CNNM1: variants seen among roughly 807,000 people sequenced by gnomAD.
CNNM1 encodes the protein cyclin and CBS domain divalent metal cation transport mediator 1.
Under a neutral mutation model 78.8 loss-of-function variants are expected in CNNM1, and 44 were observed. That is an observed-to-expected ratio of 0.56 (90% CI 0.44 to 0.72). The LOEUF (loss-of-function observed/expected upper bound fraction) is 0.72. CNNM1 is among the 30% of genes least tolerant of loss of function. CNNM1 has a pLI of 0.00. For missense variants in CNNM1, 1,101 were observed against 1,292.2 expected (o/e 0.85, Z 2.27); for synonymous variants, 584 against 581.5 (o/e 1.00, Z -0.06).
At position 99,387,808 on chromosome 10, in the gene CNNM1, TCTTC is replaced by T; in HGVS notation, c.2341-6_2341-3del. On this transcript the variant is annotated splice_region_variant and splice_polypyrimidine_tract_variant and intron_variant, in intron 7 of 10. Coordinates refer to ENST00000356713, the MANE Select transcript of CNNM1 (RefSeq NM_020348.3). ...CCTAGCTGCTCCTAAGCTCCTGCCC[TCTTC>T]CTTCCAGATCACACGGCAGCAATAT... 3 of 1,579,326 alleles carry T rather than the reference TCTTC, an allele frequency of 1.9e-6. No homozygotes were observed. The highest frequency in any genetic ancestry group is 2.6e-6 in the Non-Finnish European group (3 of 1,162,392).
rs374814462 is a variant in CNNM1 at position 99,388,176 on chromosome 10, G to T, written c.2549G>T (p.Ser850Ile). 6.2e-7 allele frequency: 1 copy of T among 1,613,668 alleles called. No individual in the cohort carries two copies. The highest frequency in any genetic ancestry group is 8.5e-7 in the Non-Finnish European group (1 of 1,179,858). Residue 850 changes from serine (S) to isoleucine (I), a missense_variant, in exon 9 of 11, where the codon AGC (serine) becomes ATC (isoleucine). Ser to Ile is a moderately radical substitution (Grantham distance 142). This residue lies in a region of CNNM1 where 348 missense variants were observed against 384.5 expected (regional missense o/e 0.90). Coordinates refer to ENST00000356713, the MANE Select transcript of CNNM1 (RefSeq NM_020348.3). ...LPCSRSDGLR[S>I]PSEVVYLRME... Reference sequence around the variant, plus strand: ...GGCAGCCGCTCAGACGGGCTGAGAAGCCCCAGCGAGGTAGTGTACCTGAGG... The same window carrying T: ...GGCAGCCGCTCAGACGGGCTGAGAATCCCCAGCGAGGTAGTGTACCTGAGG...
rs749770265 is a variant in CNNM1 at position 99,377,065 on chromosome 10, C to T, written c.2187C>T (p.Ser729=). 1 of 1,563,362 alleles carries T rather than the reference C, an allele frequency of 6.4e-7. No individual in the cohort carries two copies. The highest frequency in any genetic ancestry group is 2.4e-5 in the East Asian group (1 of 41,840). ...LAGSSVFLNR[S]PSRCSGLNRS... is the part of the protein sequence containing the mutation. ...TCTCACCATCTGCAGTAAACCGGTCCCCTTCTCGCTGCAGTGGGTTGAATC... is the reference window on the plus strand; with the variant it reads ...TCTCACCATCTGCAGTAAACCGGTCTCCTTCTCGCTGCAGTGGGTTGAATC... The change falls in exon 7 of 11, where the codon TCC becomes TCT. Residue 729 remains serine (S), a synonymous_variant. Coordinates refer to ENST00000356713, the MANE Select transcript of CNNM1 (RefSeq NM_020348.3).
At chr10:99,375,333 G>A (rs2031928497) in intron 6 of CNNM1, among the ~76,000 whole-genome samples, 1 of 152,160 alleles carries the variant, frequency 6.6e-6, no homozygotes, top group African/African-American at 2.4e-5. Flanking sequence ...TGAGGCTGAG[G>A]TAGCTGGGAT....
chr10:99,345,145 A>G (rs1328340577), intron 1 of CNNM1, among the ~76,000 whole-genome samples: 1 of 152,150 alleles, frequency 6.6e-6, no homozygotes, highest in Non-Finnish European at 1.5e-5. Context: ...CAGTTTCCTT[A>G]TCTACATATT....
chr10:99,343,493 G>T (rs2030545977), intron 1 of CNNM1, among the ~76,000 whole-genome samples: 1 of 152,068 alleles, frequency 6.6e-6, no homozygotes, highest in East Asian at 1.9e-4. Flanking sequence ...TTTTGTATAT[G>T]CAGCACCAGA....
chr10:99,332,303 A>G (rs1324518061), intron 1 of CNNM1, among the ~76,000 whole-genome samples: 1 of 152,234 alleles, frequency 6.6e-6, no homozygotes, highest in Non-Finnish European at 1.5e-5. Context: ...TGGAATGTTT[A>G]TTAAAAACAA....
chr10:99,335,528 A>G lies in CNNM1; in HGVS notation c.1573+4568A>G, dbSNP rs2030135436. 2.6e-5 allele frequency among the ~76,000 whole-genome samples: 4 copies of G among 152,186 alleles called. No individual in the cohort carries two copies. In the South Asian group the frequency reaches 8.3e-4, roughly 32 times the overall value. On this transcript the variant is annotated intron_variant, in intron 1 of 10. Coordinates refer to ENST00000356713, the MANE Select transcript of CNNM1 (RefSeq NM_020348.3). Reference sequence around the variant, plus strand: ...ACTTCTATATTTCTATGTTTGAGTGAGGTGAACCCTAAGTACGGAATAATT... The same window carrying G: ...ACTTCTATATTTCTATGTTTGAGTGGGGTGAACCCTAAGTACGGAATAATT...
intron 1 of CNNM1, among the ~76,000 whole-genome samples, chr10:99,354,443 T>TA (rs1218977724): frequency 1.3e-5 from 2 of 152,252 alleles, no homozygotes; most frequent in Non-Finnish European, 2.9e-5. Flanking sequence ...TATGAGTTTT[T>TA]ATTCAGTCTT....
chr10:99,389,681 G>A (rs1029676911), intron 9 of CNNM1, among the ~76,000 whole-genome samples: 21 of 152,164 alleles, frequency 1.4e-4, no homozygotes, highest in Non-Finnish European at 2.4e-4. Context: ...GACCCTGGAG[G>A]CCTAGAGAAG....
intron 2 of CNNM1, among the ~76,000 whole-genome samples, chr10:99,359,737 G>A (rs1315842105): frequency 9.9e-5 from 15 of 152,050 alleles, no homozygotes; most frequent in Admixed American, 7.9e-4. Flanking sequence ...CATTCTCACT[G>A]CATCCACTCA....
intron 6 of CNNM1, 70 bp from the exon 7 acceptor site, chr10:99,376,985 C>G: frequency 1.6e-6 from 2 of 1,264,460 alleles, no homozygotes; most frequent in African/African-American, 1.5e-5. Context: ...CCTTCCCTGT[C>G]TCCCTCCCTC....
chr10:99,330,336 A>G lies in CNNM1; in HGVS notation c.949A>G (p.Ser317Gly). Residue 317 changes from serine to glycine, a missense_variant, in exon 1 of 11, where the codon AGC becomes GGC. Physicochemically the swap from Ser to Gly is moderately conservative, Grantham distance 56. Coordinates refer to ENST00000356713, the MANE Select transcript of CNNM1 (RefSeq NM_020348.3). ...CTTCGGGGGCACCGGGGAAGACTAC[A>G]GCGAAGAGGGGATCCACTTCCCGTG... is the stretch of plus-strand genomic sequence containing the variant. Reference protein sequence around the residue: ...PGFGGTGEDYSEEGIHFPWLP... With the variant: ...PGFGGTGEDYGEEGIHFPWLP... 2 of 1,600,728 alleles carry G rather than the reference A, an allele frequency of 1.2e-6. No individual in the cohort carries two copies. The highest frequency in any genetic ancestry group is 2.3e-5 in the South Asian group (2 of 88,460).
At chr10:99,372,611 T>G (rs142058282) in intron 6 of CNNM1, among the ~76,000 whole-genome samples, 7 of 152,318 alleles carry the variant, frequency 4.6e-5, no homozygotes, top group Non-Finnish European at 1.0e-4. Flanking sequence ...TTACACAACT[T>G]GAACTAGTTT....
intron 1 of CNNM1, among the ~76,000 whole-genome samples, chr10:99,355,469 T>C (rs2031109115): frequency 6.6e-6 from 1 of 152,212 alleles, no homozygotes; most frequent in South Asian, 2.1e-4. Flanking sequence ...TGAACTTGCT[T>C]TTTATTGTTT....
chr10:99,335,880 C>A (rs776853389), intron 1 of CNNM1, among the ~76,000 whole-genome samples: 5 of 152,214 alleles, frequency 3.3e-5, no homozygotes, highest in Non-Finnish European at 5.9e-5. Context: ...CAGTGCCTGT[C>A]CACAGACAGC....
chr10:99,383,456 T>C (rs1472047914), intron 7 of CNNM1, among the ~76,000 whole-genome samples: 1 of 152,098 alleles, frequency 6.6e-6, no homozygotes, highest in Non-Finnish European at 1.5e-5. Flanking sequence ...GTATTTTTAG[T>C]AGAGACAAGG....
chr10:99,390,229 A>G (rs1160665942), intron 9 of CNNM1, 77 bp from the exon 10 acceptor site: 6 of 1,035,788 alleles, frequency 5.8e-6, no homozygotes, highest in East Asian at 5.2e-5. Flanking sequence ...GAGGGATGTC[A>G]TCACTCAGAA....
intron 6 of CNNM1, among the ~76,000 whole-genome samples, chr10:99,372,719 A>G (rs768860713): frequency 7.2e-5 from 11 of 152,162 alleles, no homozygotes; most frequent in Non-Finnish European, 1.3e-4. Flanking sequence ...GTGTATATGC[A>G]TAATTACCAA....
intron 7 of CNNM1, among the ~76,000 whole-genome samples, chr10:99,383,043 T>C (rs572779699): frequency 5.4e-4 from 82 of 152,300 alleles, no homozygotes; most frequent in African/African-American, 1.9e-3. Context: ...GTGGCTTGAT[T>C]CCCTCAGTCA....
Sources: allele counts gnomAD v4.1 joint callset (sites outside exome capture counted in the v4.1 genomes callset), GRCh38; gene constraint gnomAD v4.1.1; regional missense constraint gnomAD v4.1.1; transcripts MANE v1.5; gene names NCBI Gene and HGNC (gene_info 2026-07-23, HGNC 2026-07-21).